The following COL4A3 variants were observed in gnomAD, a reference collection of about 807,000 sequenced individuals.
COL4A3 encodes collagen alpha-3(IV) chain.
Under a neutral mutation model 217.4 loss-of-function variants are expected in COL4A3, and 135 were observed. That is an observed-to-expected ratio of 0.62 (90% CI 0.54 to 0.72). The LOEUF (loss-of-function observed/expected upper bound fraction) is 0.72, where lower values mean the gene tolerates loss of function less well. COL4A3 is among the 30% of genes least tolerant of loss of function. The probability of loss-of-function intolerance (pLI) is 0.00; values close to 1 mark genes in which losing one functional copy is unlikely to be tolerated. For missense variants in COL4A3, 1,868 were observed against 2,119.9 expected (o/e 0.88, Z 2.33); for synonymous variants, 690 against 736.3 (o/e 0.94, Z 1.02).
At chr2:227,249,228 A>T (rs543564975) in intron 9 of COL4A3, among the ~76,000 whole-genome samples, 359 of 22,170 alleles carry the variant, frequency 0.016, 25 homozygotes, top group East Asian at 0.057. Flanking sequence ...ATATATATAT[A>T]TATTTTTTTT....
At chr2:227,289,008 T>C in intron 34 of COL4A3, 142 bp from the exon 35 acceptor site, 1 of 643,428 alleles carries the variant, frequency 1.6e-6, no homozygotes, top group Admixed American at 2.2e-5. Context: ...TGGAGTGCAG[T>C]GGCACGATCT....
intron 1 of COL4A3, among the ~76,000 whole-genome samples, chr2:227,217,327 G>A (rs2067563925): frequency 6.6e-6 from 1 of 152,202 alleles, no homozygotes. Flanking sequence ...TTTGGGTGGG[G>A]ACACAGCCAA....
chr2:227,185,304 CA>C (rs1489539138), intron 1 of COL4A3, among the ~76,000 whole-genome samples: 1 of 152,156 alleles, frequency 6.6e-6, no homozygotes, highest in African/African-American at 2.4e-5. Context: ...AAGGTCTGAT[CA>C]AACAAAGGAT....
At chr2:227,295,433 A>G in intron 41 of COL4A3, 117 bp downstream of exon 41, 1 of 861,230 alleles carries the variant, frequency 1.2e-6, no homozygotes, top group Non-Finnish European at 2.0e-6. Flanking sequence ...TCCAATAGTA[A>G]TACAGGATAT....
chr2:227,215,693 A>T (rs1177710825), intron 1 of COL4A3, among the ~76,000 whole-genome samples: 1 of 152,110 alleles, frequency 6.6e-6, no homozygotes, highest in Admixed American at 6.5e-5. Flanking sequence ...TCCTGACCTC[A>T]GGTGATCCAC....
In COL4A3 at chr2:227,313,746, AT is replaced by A. The variant is rs1230612807; in HGVS notation, c.*1881del. On this transcript the variant is annotated 3_prime_UTR_variant, in exon 52 of 52. Coordinates refer to ENST00000396578, the MANE Select transcript of COL4A3 (RefSeq NM_000091.5). ...TTATTTAGATTCACTTAACAAACAA[AT>A]TTTTCTGCTTTAAAAATGTCTTATT... is the stretch of plus-strand genomic sequence containing the variant. 2 of 152,420 alleles carry A rather than the reference AT, an allele frequency of 1.3e-5. No individual in the cohort carries two copies. Among genetic ancestry groups the A allele is most frequent in the African/African-American group, 2.4e-5 (1 of 41,440 alleles). 9.4% of individuals were successfully genotyped at this position (152,420 alleles called of 1,614,324 possible).
intron 28 of COL4A3, among the ~76,000 whole-genome samples, chr2:227,279,241 G>A (rs926654247): frequency 3.4e-5 from 5 of 145,922 alleles, no homozygotes; most frequent in Non-Finnish European, 6.1e-5. Flanking sequence ...ACCATGCCTG[G>A]CTAGTTTTTT....
intron 42 of COL4A3, 109 bp downstream of exon 42, chr2:227,297,968 C>A: frequency 8.0e-7 from 1 of 1,242,524 alleles, no homozygotes; most frequent in Non-Finnish European, 1.2e-6. Context: ...TCCCTGTGGT[C>A]ATCTCCATTC....
chr2:227,293,708 G>T, intron 38 of COL4A3: 1 of 475,154 alleles, frequency 2.1e-6, no homozygotes, highest in South Asian at 1.5e-5. Context: ...GAAGTGATTA[G>T]GTGGCTTAAA....
intron 1 of COL4A3, among the ~76,000 whole-genome samples, chr2:227,165,144 A>G (rs1381186464): frequency 6.6e-6 from 1 of 152,126 alleles, no homozygotes; most frequent in African/African-American, 2.4e-5. Flanking sequence ...ATGATACGTG[A>G]GAACACCGGA....
intron 43 of COL4A3, among the ~76,000 whole-genome samples, chr2:227,299,287 C>T (rs534420910): frequency 1.3e-3 from 201 of 152,292 alleles, no homozygotes; most frequent in Non-Finnish European, 2.1e-3. Flanking sequence ...CCCAGCTACT[C>T]AGGAGGCTGA....
At chr2:227,272,673 T>C (rs2071312586) in intron 25 of COL4A3, among the ~76,000 whole-genome samples, 1 of 152,242 alleles carries the variant, frequency 6.6e-6, no homozygotes, top group East Asian at 1.9e-4. Context: ...ATAGTTTTAG[T>C]GGCTATTACC....
chr2:227,190,641 C>T lies in COL4A3; in HGVS notation c.87+25828C>T, dbSNP rs568545103. 4.9e-4 allele frequency among the ~76,000 whole-genome samples: 75 copies of T among 152,288 alleles called. No individual in the cohort carries two copies. In the South Asian group the frequency reaches 0.012, roughly 24 times the overall value. ...TAAAAGTAATAGGTAGTCTGGGCAT[C>T]GTGGCTCTAATCCCAGCACTTTGGG... On this transcript the variant is annotated intron_variant, in intron 1 of 51. Coordinates refer to ENST00000396578, the MANE Select transcript of COL4A3 (RefSeq NM_000091.5).
chr2:227,217,915 C>A (rs2067585806), intron 1 of COL4A3, among the ~76,000 whole-genome samples: 1 of 150,776 alleles, frequency 6.6e-6, no homozygotes, highest in South Asian at 2.1e-4. Flanking sequence ...CAAAATGCTT[C>A]TGCAAACAAG....
intron 26 of COL4A3, among the ~76,000 whole-genome samples, chr2:227,275,691 C>G (rs1486496797): frequency 2.0e-5 from 3 of 152,104 alleles, no homozygotes; most frequent in Admixed American, 1.3e-4. Flanking sequence ...GGTAGGCATT[C>G]TTTCCCCCGC....
chr2:227,282,999 C>T lies in COL4A3; in HGVS notation c.2656+467C>T, dbSNP rs1457598193. ...ACCAGTGAAGTTATCTGGGTCTGGG[C>T]ATTTCTTTTTGGGAAGTCTCTAAAT... On this transcript the variant is annotated intron_variant, in intron 32 of 51. Transcript: ENST00000396578. This position sits in a 1 kb window ranked among gnomAD's most constrained non-coding sequence, Gnocchi z 4.4. Among the ~76,000 whole-genome samples the T allele has an allele frequency of 6.6e-6, 1 of 152,130 alleles. No homozygotes were observed. Among genetic ancestry groups the T allele is most frequent in the Non-Finnish European group, 1.5e-5 (1 of 68,004 alleles).
In COL4A3 at chr2:227,289,135, G is replaced by A; in HGVS notation, c.2882-15G>A. 1 of 1,606,816 alleles carries A rather than the reference G, an allele frequency of 6.2e-7. No individual in the cohort carries two copies. The highest frequency in any genetic ancestry group is 1.3e-5 in the African/African-American group (1 of 74,788). On this transcript the variant is annotated splice_polypyrimidine_tract_variant and intron_variant, in intron 34 of 51. Coordinates refer to ENST00000396578, the MANE Select transcript of COL4A3 (RefSeq NM_000091.5). Reference sequence around the variant, plus strand: ...CTGGCTAATTTTCTTGTTAATACCTGGTTTCTAACTTCAGGATTCGCAGGA... The same window carrying A: ...CTGGCTAATTTTCTTGTTAATACCTAGTTTCTAACTTCAGGATTCGCAGGA...
At chr2:227,221,743 G>A (rs1457444448) in intron 1 of COL4A3, among the ~76,000 whole-genome samples, 2 of 151,914 alleles carry the variant, frequency 1.3e-5, no homozygotes, top group Non-Finnish European at 2.9e-5. Context: ...TCTTCCCCCT[G>A]TTAGAACATA....
intron 1 of COL4A3, among the ~76,000 whole-genome samples, chr2:227,215,609 C>A (rs2067498857): frequency 6.6e-6 from 1 of 152,114 alleles, no homozygotes; most frequent in African/African-American, 2.4e-5. Flanking sequence ...CAGGTGCCCA[C>A]CACCATGCCA....
Sources: gnomAD v4.1 joint callset for allele counts (sites outside exome capture counted in the v4.1 genomes callset) on GRCh38, gnomAD v4.1.1 for gene constraint, Gnocchi (gnomAD v3.1) non-coding constraint, MANE v1.5 for transcripts, NCBI Gene and HGNC (gene_info 2026-07-23, HGNC 2026-07-21) for gene names.